Variants in UMODL1 observed in about 807,000 individuals in gnomAD.
The protein encoded by UMODL1 is uromodulin like 1.
A neutral mutation model predicts 136.3 loss-of-function variants in UMODL1; 128 were observed. That is an observed-to-expected ratio of 0.94 (90% CI 0.81 to 1.09). The LOEUF (loss-of-function observed/expected upper bound fraction) is 1.09. UMODL1 is among the 50% of genes least tolerant of loss of function. The probability of loss-of-function intolerance (pLI) is 0.00; values close to 1 mark genes in which losing one functional copy is unlikely to be tolerated. For synonymous variants in UMODL1, 721 were observed against 720.0 expected, an observed-to-expected ratio of 1.00 and a Z score of -0.02; for missense variants, 1,766 against 1,725.6, an observed-to-expected ratio of 1.02 and a Z score of -0.41.
At chr21:42,130,122 C>A (rs2067114412) in intron 21 of UMODL1, among the ~76,000 whole-genome samples, 1 of 152,142 alleles carries the variant, frequency 6.6e-6, no homozygotes, top group Non-Finnish European at 1.5e-5. Flanking sequence ...ATGTTTTGAG[C>A]TGCATAATAT....
intron 22 of UMODL1, among the ~76,000 whole-genome samples, chr21:42,141,082 G>T (rs754091367): frequency 3.0e-4 from 46 of 152,174 alleles, no homozygotes; most frequent in Non-Finnish European, 5.9e-4. Context: ...TGAGATAACA[G>T]ATTTTTGAAA....
chr21:42,108,200 C>A, intron 9 of UMODL1: 1 of 447,456 alleles, frequency 2.2e-6, no homozygotes, highest in South Asian at 1.6e-5. Context: ...GTGGTTTGAG[C>A]CAGCGTCTTG....
intron 19 of UMODL1, 148 bp downstream of exon 19, chr21:42,127,390 G>C: frequency 1.2e-6 from 1 of 828,392 alleles, no homozygotes; most frequent in Non-Finnish European, 2.0e-6. Context: ...AGGCACCCCT[G>C]TCCAGCAATG....
chr21:42,075,242 G>GGTT (rs58404701), intron 1 of UMODL1, among the ~76,000 whole-genome samples: 18,604 of 71,194 alleles, frequency 0.26, 1,263 homozygotes, highest in East Asian at 0.35. Context: ...TGCTGGAGAT[G>GGTT]GGGGGGGGGT....
At chr21:42,101,863 G>A (rs1015340669) in intron 7 of UMODL1, 1 of 396,514 alleles carries the variant, frequency 2.5e-6, no homozygotes, top group Non-Finnish European at 4.9e-6. Flanking sequence ...GCAAAGGAAG[G>A]CAGCAGCCAC....
chr21:42,063,929 C>G (rs1449428836), intron 1 of UMODL1, among the ~76,000 whole-genome samples: 1 of 152,188 alleles, frequency 6.6e-6, no homozygotes, highest in Non-Finnish European at 1.5e-5. Context: ...TGCGGCCCCC[C>G]AGTTTCAGCA....
chr21:42,085,114 C>A lies in UMODL1; in HGVS notation c.482-177C>A, dbSNP rs993939468. ...CATTAGGATGGAGAGGAGCGAGGGG[C>A]GGGCAGTGAGGACATCCCCCGTCTC... On this transcript the variant is annotated intron_variant, in intron 3 of 22. Coordinates refer to ENST00000408910, the MANE Select transcript of UMODL1 (RefSeq NM_001004416.3). This position sits in a 1 kb window ranked among gnomAD's most constrained non-coding sequence, Gnocchi z 4.5. Among the ~76,000 whole-genome samples, 5 of 151,984 alleles carry A rather than the reference C, an allele frequency of 3.3e-5. No individual in the cohort carries two copies. Among genetic ancestry groups the A allele is most frequent in the Non-Finnish European group, 7.4e-5 (5 of 67,998 alleles).
intron 4 of UMODL1, among the ~76,000 whole-genome samples, chr21:42,086,310 G>T (rs1047250643): frequency 6.6e-6 from 1 of 152,240 alleles, no homozygotes; most frequent in Non-Finnish European, 1.5e-5. Context: ...GCTGTTCTGT[G>T]CTTCAGATCT....
At chr21:42,074,594 C>T (rs1039177261) in intron 1 of UMODL1, among the ~76,000 whole-genome samples, 9 of 152,196 alleles carry the variant, frequency 5.9e-5, no homozygotes, top group East Asian at 1.9e-4. Flanking sequence ...GATGGAGGGG[C>T]GATGGGCCTT....
chr21:42,134,232 A>G (rs769823103), intron 21 of UMODL1, among the ~76,000 whole-genome samples: 1 of 152,236 alleles, frequency 6.6e-6, no homozygotes, highest in African/African-American at 2.4e-5. Context: ...AGTTCAACAC[A>G]TAGGTAACCC....
chr21:42,135,691 G>T (rs867634394), intron 21 of UMODL1, among the ~76,000 whole-genome samples: 2 of 152,198 alleles, frequency 1.3e-5, no homozygotes, highest in Admixed American at 1.3e-4. Context: ...GGAAGTGGCC[G>T]GCCGGGATCT....
At chr21:42,072,875 G>A (rs1031969411) in intron 1 of UMODL1, among the ~76,000 whole-genome samples, 10 of 152,344 alleles carry the variant, frequency 6.6e-5, no homozygotes, top group Non-Finnish European at 1.2e-4. Flanking sequence ...GGGTCTTTGC[G>A]GGATGGCAGG....
At chr21:42,124,175 C>T (rs376066495) in intron 17 of UMODL1, among the ~76,000 whole-genome samples, 1 of 152,222 alleles carries the variant, frequency 6.6e-6, no homozygotes, top group African/African-American at 2.4e-5. Context: ...CACTTGGCCA[C>T]ATGGAGCACA....
chr21:42,095,091 T>TTTTTTTTTTTTG (rs1348417318), intron 6 of UMODL1, among the ~76,000 whole-genome samples: 3 of 111,970 alleles, frequency 2.7e-5, no homozygotes, highest in African/African-American at 1.0e-4. Context: ...CTTCTGCTGT[T>TTTTTTTTTTTTG]TTTTTTTTTT....
intron 6 of UMODL1, among the ~76,000 whole-genome samples, chr21:42,095,089 GTTTT>G (rs58764222): frequency 4.1e-4 from 25 of 61,206 alleles, no homozygotes; most frequent in South Asian, 1.4e-3. Context: ...TTCTTCTGCT[GTTTT>G]TTTTTTTTTT....
chr21:42,139,003 A>T (rs1483347346), intron 22 of UMODL1, among the ~76,000 whole-genome samples: 3 of 152,144 alleles, frequency 2.0e-5, no homozygotes, highest in African/African-American at 7.2e-5. Flanking sequence ...CTCCATCTCT[A>T]CAAAAAATAC....
rs1162255067 is a variant in UMODL1, at chr21:42,099,084, G to A, written c.1090G>A (p.Ala364Thr). The A allele has an allele frequency of 1.2e-6, 2 of 1,614,194 alleles. No individual in the cohort carries two copies. Reference protein sequence around the residue: ...RSARTQSQALAVAGLEAGVLY... With the variant: ...RSARTQSQALTVAGLEAGVLY... ...CGCCAGGACACAGAGCCAGGCACTG[G>A]CAGTGGCTGGGCTGGAGGCTGGAGT... The change falls in exon 7 of 23, where the codon GCA becomes ACA. Residue 364 changes from alanine (A) to threonine (T), a missense_variant. Ala to Thr is a moderately conservative substitution (Grantham distance 58, BLOSUM62 0). Coordinates refer to ENST00000408910, the MANE Select transcript of UMODL1 (RefSeq NM_001004416.3). The surrounding 1 kb of genome is among the most constrained non-coding windows in gnomAD (Gnocchi z 4.1).
chr21:42,113,687 T>A lies in UMODL1; in HGVS notation c.2219T>A (p.Met740Lys), dbSNP rs202055123. ...DSTFQLTLTS[M>K]WSPAVVLETW... is the part of the protein sequence containing the mutation. Reference sequence around the variant, plus strand: ...ACCTTCCAGCTCACTCTGACTTCCATGTGGAGCCCTGCTGTGGTCCTAGAG... The same window carrying A: ...ACCTTCCAGCTCACTCTGACTTCCAAGTGGAGCCCTGCTGTGGTCCTAGAG... The change falls in exon 13 of 23, where the codon ATG (methionine) becomes AAG (lysine). Residue 740 changes from methionine to lysine, a missense_variant. Physicochemically the swap from Met to Lys is moderately conservative, Grantham distance 95 (BLOSUM62 -1). Coordinates refer to ENST00000408910, the MANE Select transcript of UMODL1 (RefSeq NM_001004416.3). The A allele has an allele frequency of 6.2e-7, 1 of 1,613,926 alleles. No individual in the cohort carries two copies. Among genetic ancestry groups the A allele is most frequent in the African/African-American group, 1.3e-5 (1 of 74,902 alleles).
At chr21:42,104,427 T>G (rs2066685066) in intron 9 of UMODL1, among the ~76,000 whole-genome samples, 1 of 143,644 alleles carries the variant, frequency 7.0e-6, no homozygotes. Context: ...CTTTTTTTCT[T>G]TTCTTTTTTT....
Sources: gnomAD v4.1 joint callset for allele counts (sites outside exome capture counted in the v4.1 genomes callset) on GRCh38, gnomAD v4.1.1 for gene constraint, Gnocchi (gnomAD v3.1) non-coding constraint, MANE v1.5 for transcripts, NCBI Gene and HGNC (gene_info 2026-07-23, HGNC 2026-07-21) for gene names.